The following DPP6 variants were observed in gnomAD, a reference collection of about 807,000 sequenced individuals.
The protein encoded by DPP6 is A-type potassium channel modulatory protein DPP6.
Under a neutral mutation model 122.6 loss-of-function variants are expected in DPP6, and 69 were observed. The ratio of observed to expected loss-of-function variants is 0.56; its 90% CI spans 0.46 to 0.69. The LOEUF is 0.69. Ranked by LOEUF, DPP6 falls within the 30% of genes least tolerant of loss-of-function variation. DPP6 has a pLI of 0.00. For synonymous variants in DPP6, 418 were observed against 433.1 expected (o/e 0.97, Z 0.43); for missense variants, 928 against 1,116.9 (o/e 0.83, Z 2.41).
intron 1 of DPP6, among the ~76,000 whole-genome samples, chr7:154,188,943 G>A (rs1424200967): frequency 2.0e-5 from 3 of 152,174 alleles, no homozygotes; most frequent in Admixed American, 6.5e-5. Flanking sequence ...TTGAGCCTCC[G>A]TGTCCCAGAT....
At chr7:154,761,076 C>T (rs1005360353) in intron 8 of DPP6, among the ~76,000 whole-genome samples, 1 of 152,166 alleles carries the variant, frequency 6.6e-6, no homozygotes, top group African/African-American at 2.4e-5. Context: ...CTTAAGTGAT[C>T]CACCCACCTT....
At position 154,877,618 on chromosome 7, in the gene DPP6, C is replaced by T. The variant is rs537771441; in HGVS notation, c.2078+1518C>T. ...CGGGGTGGCCCTCAGTAGCACCTGG[C>T]TCCATGCTTCGTCATCTACCTCCAG... On this transcript the variant is annotated intron_variant, in intron 20 of 25. Transcript: ENST00000377770. The surrounding 1 kb of genome is among the most constrained non-coding windows in gnomAD (Gnocchi z 5.2). Among the ~76,000 whole-genome samples, 4 of 152,292 alleles carry T rather than the reference C, an allele frequency of 2.6e-5. No individual in the cohort carries two copies. The South Asian group carries it at 8.3e-4, about 32-fold the overall frequency.
At chr7:154,879,755 A>G (rs1805225629) in intron 20 of DPP6, among the ~76,000 whole-genome samples, 1 of 152,238 alleles carries the variant, frequency 6.6e-6, no homozygotes, top group Non-Finnish European at 1.5e-5. Context: ...CATCTCAAAA[A>G]GAAAACCGTA....
chr7:154,455,647 A>G (rs956808607), intron 2 of DPP6, among the ~76,000 whole-genome samples: 11 of 152,166 alleles, frequency 7.2e-5, no homozygotes, highest in African/African-American at 2.7e-4. Flanking sequence ...ATTTCCCATC[A>G]TTAATTCTAG....
At chr7:153,963,805 C>A (rs1392055514) in intron 1 of DPP6, among the ~76,000 whole-genome samples, 3 of 152,174 alleles carry the variant, frequency 2.0e-5, no homozygotes, top group East Asian at 1.9e-4. Context: ...CATGGACAAA[C>A]TGTCTTCCAC....
Position 154,479,557 on chromosome 7 carries a change from CA to C in DPP6, c.457+4537del, listed in dbSNP as rs35103324. ...TGGGTGACAGAGCAAGACTCCATCT[CA>C]AAAAAAAAAAAAAAAAGAAAAGAAA... On this transcript the variant is annotated intron_variant, in intron 3 of 25. Coordinates refer to ENST00000377770, the MANE Select transcript of DPP6 (RefSeq NM_130797.4). Among the ~76,000 whole-genome samples the C allele has an allele frequency of 9.0e-4, 82 of 91,222 alleles. No individual in the cohort carries two copies. The South Asian group carries it at 0.014, about 16-fold the overall frequency. The allele number at this position is 91,222 out of a possible 152,430, so 59.8% of individuals were successfully genotyped here.
intron 1 of DPP6, among the ~76,000 whole-genome samples, chr7:154,398,506 G>A (rs1815288250): frequency 1.3e-5 from 2 of 152,158 alleles, no homozygotes. Flanking sequence ...GGGCACCAAT[G>A]TGATCATAAG....
the DPP6 span, among the ~76,000 whole-genome samples, chr7:153,787,937 CA>C: frequency 6.7e-6 from 1 of 150,040 alleles, no homozygotes; most frequent in African/African-American, 2.4e-5. Context: ...GAAGGTAGAG[CA>C]GTTGAAGGAG....
chr7:154,361,184 G>A (rs913944522), intron 1 of DPP6, among the ~76,000 whole-genome samples: 2 of 152,344 alleles, frequency 1.3e-5, no homozygotes, highest in East Asian at 3.9e-4. Flanking sequence ...GAGAAGATCT[G>A]AGTGTGCCTA....
Position 154,256,583 on chromosome 7 carries a change from T to C in DPP6, c.244-189631T>C, listed in dbSNP as rs188699320. Among the ~76,000 whole-genome samples the C allele has an allele frequency of 1.8e-3, 268 of 152,350 alleles. 1 individual carries two copies. The highest frequency in any genetic ancestry group is 6.1e-3 in the African/African-American group (254 of 41,580). On this transcript the variant is annotated intron_variant, in intron 1 of 25. Coordinates refer to ENST00000377770, the MANE Select transcript of DPP6 (RefSeq NM_130797.4). ...ACAGAATCATGACAGAATTTGGGTT[T>C]GTTTCCCAGTGGCTCTGCCTTCTTT...
At chr7:154,362,264 A>G (rs955910862) in intron 1 of DPP6, among the ~76,000 whole-genome samples, 1 of 152,234 alleles carries the variant, frequency 6.6e-6, no homozygotes, top group Non-Finnish European at 1.5e-5. Flanking sequence ...CGCTCAGGAA[A>G]GAAGCCAGAC....
chr7:153,836,833 A>C, the DPP6 span, among the ~76,000 whole-genome samples: 10 of 152,302 alleles, frequency 6.6e-5, no homozygotes, highest in African/African-American at 2.4e-4. Flanking sequence ...CTGCCCCATG[A>C]ACAATATTAG....
intron 1 of DPP6, among the ~76,000 whole-genome samples, chr7:154,043,986 A>T (rs548784913): frequency 0.011 from 1,702 of 148,040 alleles, 8 homozygotes; most frequent in Non-Finnish European, 0.018. Flanking sequence ...GACTGAGTTA[A>T]TGGAATCCCA....
At chr7:154,748,267 C>T (rs1024516626) in intron 8 of DPP6, among the ~76,000 whole-genome samples, 13 of 152,232 alleles carry the variant, frequency 8.5e-5, no homozygotes, top group African/African-American at 3.1e-4. Flanking sequence ...CATGTTCCCA[C>T]CTGTCTCAGT....
chr7:154,761,782 T>A (rs1381990858), intron 8 of DPP6, among the ~76,000 whole-genome samples: 2 of 152,178 alleles, frequency 1.3e-5, no homozygotes, highest in African/African-American at 4.8e-5. Flanking sequence ...TGTGCCATGT[T>A]GGTGTGCTGC....
intron 1 of DPP6, among the ~76,000 whole-genome samples, chr7:154,200,336 C>T (rs142433633): frequency 6.6e-6 from 1 of 152,218 alleles, no homozygotes; most frequent in African/African-American, 2.4e-5. Context: ...TGTCTTTATG[C>T]TAGGAACATT....
At chr7:154,883,873 CCACA>C (rs1563323589) in intron 21 of DPP6, 1 of 129,940 alleles carries the variant, frequency 7.7e-6, no homozygotes, top group Non-Finnish European at 1.7e-5. Context: ...ACACATGCTC[CCACA>C]TACATACATG....
intron 6 of DPP6, among the ~76,000 whole-genome samples, chr7:154,656,456 C>A (rs1837257027): frequency 6.6e-6 from 1 of 151,902 alleles, no homozygotes; most frequent in Non-Finnish European, 1.5e-5. Context: ...GACAGAGAAG[C>A]AGCAGCCGCA....
intron 3 of DPP6, among the ~76,000 whole-genome samples, chr7:154,531,380 T>C (rs975901303): frequency 1.3e-5 from 2 of 152,060 alleles, no homozygotes; most frequent in African/African-American, 4.8e-5. Flanking sequence ...TTCAAAATGC[T>C]GAAAGGCAAA....
Sources: allele counts gnomAD v4.1 joint callset (sites outside exome capture counted in the v4.1 genomes callset), GRCh38; gene constraint gnomAD v4.1.1; non-coding constraint Gnocchi (gnomAD v3.1); transcripts MANE v1.5; gene names NCBI Gene and HGNC (gene_info 2026-07-23, HGNC 2026-07-21).